The following AP4M1 variants were observed in gnomAD, a reference collection of about 807,000 sequenced individuals.
The protein encoded by AP4M1 is adaptor related protein complex 4 subunit mu 1.
AP4M1 carries 58 observed loss-of-function variants against 62.4 expected under a neutral mutation model. That is an observed-to-expected ratio of 0.93 (90% CI 0.75 to 1.16). The LOEUF is 1.16. AP4M1 is among the 50% of genes most tolerant of loss of function. The probability of loss-of-function intolerance (pLI) is 0.00; values close to 1 mark genes in which losing one functional copy is unlikely to be tolerated. For missense variants in AP4M1, 626 were observed against 585.4 expected (o/e 1.07, Z -0.72); for synonymous variants, 290 against 239.7 (o/e 1.21, Z -1.94).
chr7:100,101,537 T>A (rs899149724), upstream of AP4M1: 7 of 799,060 alleles, frequency 8.8e-6, no homozygotes, highest in African/African-American at 1.2e-4. Context: ...GGTGCGGGCG[T>A]CGGAAGGGAA....
intron 2 of AP4M1, 141 bp downstream of exon 2, chr7:100,102,109 G>A: frequency 1.1e-6 from 1 of 933,822 alleles, no homozygotes; most frequent in Non-Finnish European, 1.7e-6. Flanking sequence ...GGCCCGGCGC[G>A]GTGGCTCACG....
Position 100,108,429 on chromosome 7 carries a change from C to A in AP4M1, c.*1547C>A, listed in dbSNP as rs144875978. 4,205 of 1,613,868 alleles carry A rather than the reference C, an allele frequency of 2.6e-3. 11 individuals are homozygous for A. Among genetic ancestry groups the A allele is most frequent in the Non-Finnish European group, 3.3e-3 (3,930 of 1,179,812 alleles). Reference sequence around the variant, plus strand: ...GCCTGCAGAGCAGCCTGGGCCCGAGCCTTGACCACCTGGGAGCAGAGGAGG... The same window carrying A: ...GCCTGCAGAGCAGCCTGGGCCCGAGACTTGACCACCTGGGAGCAGAGGAGG... On this transcript the variant is annotated 3_prime_UTR_variant, in exon 15 of 15. Transcript: ENST00000359593.
upstream of AP4M1, chr7:100,100,944 C>A: frequency 9.8e-7 from 1 of 1,018,770 alleles, no homozygotes; most frequent in Admixed American, 4.2e-5. Flanking sequence ...GAGCCCAGAG[C>A]CCTTAAGACT....
intron 10 of AP4M1, 22 bp downstream of exon 10, chr7:100,105,368 T>A (rs1327494680): frequency 6.2e-7 from 1 of 1,613,520 alleles, no homozygotes. Context: ...GGTGGCCTCA[T>A]AAATTCCGTC....
rs1393207496 is a variant in AP4M1 at position 100,106,272 on chromosome 7, C to G, written c.1006C>G (p.Leu336Val). The G allele has an allele frequency of 1.4e-5, 22 of 1,613,990 alleles. No individual in the cohort carries two copies. Among genetic ancestry groups the G allele is most frequent in the Non-Finnish European group, 1.7e-5 (20 of 1,180,034 alleles). ...CCTCAATGTCAGGCTGCACCTCCCC[C>G]TGCCTCGAGGGGTGGTCAGGTGAGT... is the stretch of plus-strand genomic sequence containing the variant. ...QALNVRLHLP[L>V]PRGVVSLSQE... Residue 336 changes from leucine to valine, a missense_variant, in exon 13 of 15, where the codon CTG becomes GTG. Coordinates refer to ENST00000359593, the MANE Select transcript of AP4M1 (RefSeq NM_004722.4).
In AP4M1 at chr7:100,107,401, GAGA is replaced by G. The variant is rs769880080; in HGVS notation, c.*522_*524del. 2.7e-5 allele frequency: 44 copies of G among 1,602,550 alleles called. No homozygotes were observed. In the Admixed American group the frequency reaches 6.7e-4, roughly 24 times the overall value. On this transcript the variant is annotated 3_prime_UTR_variant, in exon 15 of 15. Transcript: ENST00000359593. ...GGGGACGATGCCGGGGGAGGAACTG[GAGA>G]AGGATGGGAGGTGGGGCCTCCTTTG...
intron 2 of AP4M1, chr7:100,102,239 A>C (rs766745159): frequency 3.4e-5 from 20 of 596,970 alleles, no homozygotes; most frequent in Middle Eastern, 4.6e-4. Flanking sequence ...AAAAAAAAAA[A>C]ACATAGCTGG....
rs755286796 is a variant in AP4M1 at position 100,106,232 on chromosome 7, C to T, written c.975-9C>T. 5.6e-6 allele frequency: 9 copies of T among 1,614,116 alleles called. No homozygotes were observed. In the Admixed American group the frequency reaches 1.2e-4, roughly 21 times the overall value. ...CCTGGGGCTGACTTTGTTCCCGTCT[C>T]CTCTGTAGCCAAGCCCTCAATGTCA... On this transcript the variant is annotated splice_polypyrimidine_tract_variant and intron_variant, in intron 12 of 14. Transcript: ENST00000359593.
At chr7:100,106,170 T>C (rs963774981) in intron 12 of AP4M1, 71 bp from the exon 13 acceptor site, 22 of 1,583,008 alleles carry the variant, frequency 1.4e-5, no homozygotes, top group South Asian at 2.2e-5. Flanking sequence ...AATCCTGTTA[T>C]GACATTGAAG....
rs1195701251 is a variant in AP4M1 at position 100,108,138 on chromosome 7, G to A, written c.*1256G>A. On this transcript the variant is annotated 3_prime_UTR_variant, in exon 15 of 15. Coordinates refer to ENST00000359593, the MANE Select transcript of AP4M1 (RefSeq NM_004722.4). ...GTGGGCCGGGGCTGCGGGGAGAAGAGGAAAGGGGGAAGTGGCACCATCTAC... is the reference window on the plus strand; with the variant it reads ...GTGGGCCGGGGCTGCGGGGAGAAGAAGAAAGGGGGAAGTGGCACCATCTAC... 1.3e-6 allele frequency: 2 copies of A among 1,581,356 alleles called. No homozygotes were observed. Among genetic ancestry groups the A allele is most frequent in the East Asian group, 2.3e-5 (1 of 44,104 alleles).
chr7:100,104,354 CA>C (rs1243583668), intron 7 of AP4M1, among the ~76,000 whole-genome samples, 200 bp downstream of exon 7: 3 of 151,474 alleles, frequency 2.0e-5, no homozygotes, highest in Non-Finnish European at 2.9e-5. Context: ...CCCGTCTCTA[CA>C]AAAAATACAA....
Position 100,107,391 on chromosome 7 carries a change from G to T in AP4M1, c.*509G>T. 9 of 1,598,348 alleles carry T rather than the reference G, an allele frequency of 5.6e-6. No individual in the cohort carries two copies. The highest frequency in any genetic ancestry group is 7.7e-6 in the Non-Finnish European group (9 of 1,170,234). The stretch of plus-strand genomic sequence containing the variant: ...GAGTGGGGACGGGGACGATGCCGGG[G>T]GAGGAACTGGAGAAGGATGGGAGGT... On this transcript the variant is annotated 3_prime_UTR_variant, in exon 15 of 15. Transcript: ENST00000359593.
Position 100,107,105 on chromosome 7 carries a change from C to T in AP4M1, c.*223C>T. On this transcript the variant is annotated 3_prime_UTR_variant, in exon 15 of 15. Transcript: ENST00000359593. ...CAAACCAAACTTTTATTCTGAGAAA[C>T]TGGCTGTACAATATCTAAAAAGAAA... 7.5e-7 allele frequency: 1 copy of T among 1,324,804 alleles called. No individual in the cohort carries two copies. Among genetic ancestry groups the T allele is most frequent in the Non-Finnish European group, 1.0e-6 (1 of 985,112 alleles). The allele number at this position is 1,324,804 out of a possible 1,614,324, so 82.1% of individuals were successfully genotyped here.
chr7:100,104,004 T>G, intron 6 of AP4M1, 88 bp from the exon 7 acceptor site: 1 of 1,210,966 alleles, frequency 8.3e-7, no homozygotes, highest in Non-Finnish European at 1.2e-6. Context: ...AGCTGTAGCT[T>G]TGACTGTCCT....
intron 4 of AP4M1, 76 bp downstream of exon 4, chr7:100,103,036 G>A (rs1386321158): frequency 5.9e-6 from 7 of 1,193,406 alleles, no homozygotes; most frequent in Non-Finnish European, 8.7e-6. Flanking sequence ...ACTGTGGGAT[G>A]CCGTGGTTAG....
intron 2 of AP4M1, 200 bp from the exon 3 acceptor site, chr7:100,102,475 C>T (rs1403087031): frequency 6.3e-6 from 4 of 634,640 alleles, no homozygotes; most frequent in East Asian, 2.8e-5. Flanking sequence ...GTGACTCCAT[C>T]CTCAGCAACT....
At position 100,107,439 on chromosome 7, in the gene AP4M1, G is replaced by A. The variant is rs1796644880; in HGVS notation, c.*557G>A. 3 of 1,612,136 alleles carry A rather than the reference G, an allele frequency of 1.9e-6. No homozygotes were observed. The highest frequency in any genetic ancestry group is 2.7e-5 in the African/African-American group (2 of 74,900). On this transcript the variant is annotated 3_prime_UTR_variant, in exon 15 of 15. Coordinates refer to ENST00000359593, the MANE Select transcript of AP4M1 (RefSeq NM_004722.4). ...GGTGGGGCCTCCTTTGCCCTCCCCT[G>A]TTGGGGGAAGTGAGACCACGATGTA...
In AP4M1 at chr7:100,107,842, C is replaced by G. The variant is rs1470043758; in HGVS notation, c.*960C>G. ...CTCTTGACTTGGGGCCCAGAGGGGA[C>G]TGTGCTCTACTCCTGGGCCTCCCCA... On this transcript the variant is annotated 3_prime_UTR_variant, in exon 15 of 15. Transcript: ENST00000359593. 1.3e-6 allele frequency: 2 copies of G among 1,493,364 alleles called. No individual in the cohort carries two copies. Among genetic ancestry groups the G allele is most frequent in the African/African-American group, 2.8e-5 (2 of 71,538 alleles). The allele number at this position is 1,493,364 out of a possible 1,614,324, so 92.5% of individuals were successfully genotyped here. A position where few individuals can be genotyped will look rare whatever the true frequency, so the allele number is the denominator to read the frequency against.
intron 1 of AP4M1, 39 bp from the exon 2 acceptor site, chr7:100,101,841 G>C (rs539422279): frequency 1.9e-6 from 3 of 1,612,462 alleles, no homozygotes; most frequent in South Asian, 2.2e-5. Context: ...GGGCCAGCCT[G>C]TGTCGCAGGA....
Sources: allele counts gnomAD v4.1 joint callset (sites outside exome capture counted in the v4.1 genomes callset), GRCh38; gene constraint gnomAD v4.1.1; transcripts MANE v1.5; gene names NCBI Gene and HGNC (gene_info 2026-07-23, HGNC 2026-07-21).